The following OPHN1 variants were observed in gnomAD, a reference collection of about 807,000 sequenced individuals.
OPHN1 encodes the protein oligophrenin-1.
Under a neutral mutation model 60.7 loss-of-function variants are expected in OPHN1, and 11 were observed. The observed-to-expected ratio is 0.18, with a 90% CI of 0.11 to 0.30. The LOEUF is 0.30. OPHN1 is among the 10% of genes least tolerant of loss of function. The probability of loss-of-function intolerance (pLI) is 1.00; values close to 1 mark genes in which losing one functional copy is unlikely to be tolerated. For missense variants in OPHN1, 449 were observed against 611.0 expected (o/e 0.73, Z 2.80); for synonymous variants, 226 against 222.6 (o/e 1.02, Z -0.14).
At chrX:68,308,837 T>C (rs1004734394) in intron 2 of OPHN1, among the ~76,000 whole-genome samples, 1 of 109,657 alleles carries the variant, frequency 9.1e-6, no homozygotes, top group African/African-American at 3.3e-5. Flanking sequence ...TGGAGTGCAG[T>C]GGCATGATCT....
chrX:68,113,822 G>T (rs1291871424), intron 16 of OPHN1, among the ~76,000 whole-genome samples: 2 of 66,656 alleles, frequency 3.0e-5, no homozygotes, highest in African/African-American at 1.2e-4. Context: ...TGCGGGGTGG[G>T]GGGAGGGGGG....
chrX:68,369,737 A>G (rs1306064882), intron 2 of OPHN1, among the ~76,000 whole-genome samples: 1 of 109,597 alleles, frequency 9.1e-6, no homozygotes, highest in Non-Finnish European at 1.9e-5. Flanking sequence ...AAAAAGGGAC[A>G]AAAGGAATGT....
intron 2 of OPHN1, among the ~76,000 whole-genome samples, chrX:68,416,287 C>T (rs1220419145): frequency 1.8e-5 from 2 of 108,636 alleles, no homozygotes; most frequent in African/African-American, 3.4e-5. Flanking sequence ...AAGCAATCTG[C>T]CCCACCTGGG....
intron 2 of OPHN1, among the ~76,000 whole-genome samples, chrX:68,402,869 C>A (rs947045434): frequency 3.6e-5 from 4 of 111,716 alleles, no homozygotes; most frequent in African/African-American, 1.3e-4. Context: ...TACCATCTTT[C>A]TCTCCGAGAA....
At chrX:68,141,821 C>T (rs765629970) in intron 15 of OPHN1, among the ~76,000 whole-genome samples, 2 of 109,823 alleles carry the variant, frequency 1.8e-5, no homozygotes, top group Non-Finnish European at 3.8e-5. Flanking sequence ...GAAGTACACT[C>T]TGGCCGGGAA....
At chrX:68,328,555 CTT>C (rs2078279584) in intron 2 of OPHN1, among the ~76,000 whole-genome samples, 2 of 112,337 alleles carry the variant, frequency 1.8e-5, no homozygotes, top group Admixed American at 1.9e-4. Flanking sequence ...CAGTTAAAAA[CTT>C]CTGCATGACA....
At chrX:68,424,940 T>C (rs184573553) in intron 2 of OPHN1, among the ~76,000 whole-genome samples, 1 of 112,125 alleles carries the variant, frequency 8.9e-6, no homozygotes, top group African/African-American at 3.2e-5. Context: ...CATCTATTAA[T>C]ACTAACAGCA....
chrX:68,310,572 C>T (rs1041623733), intron 2 of OPHN1, among the ~76,000 whole-genome samples: 1 of 110,457 alleles, frequency 9.1e-6, no homozygotes, highest in African/African-American at 3.3e-5. Context: ...AGCCAGGCAG[C>T]AGTCAAGGCA....
chrX:68,370,296 A>G (rs1396214168), intron 2 of OPHN1, among the ~76,000 whole-genome samples: 1 of 109,839 alleles, frequency 9.1e-6, no homozygotes, highest in East Asian at 2.9e-4. Context: ...ATTTGAAGTT[A>G]GGAGTTTGAG....
intron 15 of OPHN1, among the ~76,000 whole-genome samples, chrX:68,171,713 G>T (rs1359006130): frequency 2.8e-5 from 3 of 108,227 alleles, no homozygotes; most frequent in Non-Finnish European, 1.9e-5. Context: ...TCCAGCCTGG[G>T]CAGCAAGAGC....
chrX:68,136,291 CTTTTTT>C (rs779712280), intron 15 of OPHN1, among the ~76,000 whole-genome samples: 174 of 64,087 alleles, frequency 2.7e-3, no homozygotes, highest in South Asian at 7.1e-3. Flanking sequence ...AATATCTTTT[CTTTTTT>C]TTTTTTTTTT....
intron 2 of OPHN1, among the ~76,000 whole-genome samples, chrX:68,374,225 G>A (rs767524333): frequency 2.8e-5 from 3 of 109,071 alleles, no homozygotes; most frequent in African/African-American, 6.7e-5. Flanking sequence ...GCGTGGTGCC[G>A]CACGCATGTA....
At chrX:68,426,867 T>G (rs2078861134) in intron 2 of OPHN1, among the ~76,000 whole-genome samples, 2 of 67,991 alleles carry the variant, frequency 2.9e-5, no homozygotes, top group African/African-American at 4.5e-5. Context: ...GGTGACAGAG[T>G]GAGACTCTGT....
chrX:68,071,334 T>A (rs2076933607), intron 20 of OPHN1: 6 of 748,336 alleles, frequency 8.0e-6, no homozygotes, highest in Non-Finnish European at 1.3e-5. Context: ...GGAAAGCTTC[T>A]ATTTTGGCGG....
intron 2 of OPHN1, among the ~76,000 whole-genome samples, chrX:68,354,274 A>C (rs188199667): frequency 1.3e-3 from 128 of 99,591 alleles, no homozygotes; most frequent in African/African-American, 4.4e-3. Flanking sequence ...GTGATACCCC[A>C]TCTCTACTAA....
intron 16 of OPHN1, among the ~76,000 whole-genome samples, chrX:68,117,169 C>T (rs184452978): frequency 8.1e-5 from 9 of 111,035 alleles, no homozygotes; most frequent in African/African-American, 9.8e-5. Flanking sequence ...TCCCTCTCTA[C>T]ACTCAATACT....
rs546934557 is a variant in OPHN1 at position 68,087,493 on chromosome X, G to A, written c.1686+9377C>T. On this transcript the variant is annotated intron_variant, in intron 19 of 24. Coordinates refer to ENST00000355520, the MANE Select transcript of OPHN1 (RefSeq NM_002547.3). ...TTTGGTCACATATTAACCCCCTTACGGATTCTTCTCTGTCATGTCTTTAGG... is the reference window on the plus strand; with the variant it reads ...TTTGGTCACATATTAACCCCCTTACAGATTCTTCTCTGTCATGTCTTTAGG... Among the ~76,000 whole-genome samples the A allele has an allele frequency of 4.5e-5, 5 of 111,183 alleles. No individual in the cohort carries two copies. In the South Asian group the frequency reaches 1.9e-3, roughly 43 times the overall value.
At chrX:68,320,974 C>T (rs1409893693) in intron 2 of OPHN1, among the ~76,000 whole-genome samples, 1 of 112,185 alleles carries the variant, frequency 8.9e-6, no homozygotes, top group Non-Finnish European at 1.9e-5. Context: ...AGGAACAGGG[C>T]TTCCCTTCCC....
chrX:68,413,641 C>T (rs925058168), intron 2 of OPHN1, among the ~76,000 whole-genome samples: 1 of 111,481 alleles, frequency 9.0e-6, no homozygotes, highest in Non-Finnish European at 1.9e-5. Context: ...TTCAGTGGCT[C>T]ATACCTGTAA....
Sources: gnomAD v4.1 joint callset for allele counts (sites outside exome capture counted in the v4.1 genomes callset) on GRCh38, gnomAD v4.1.1 for gene constraint, MANE v1.5 for transcripts, NCBI Gene and HGNC (gene_info 2026-07-23, HGNC 2026-07-21) for gene names.